GRIK1: variants seen among roughly 807,000 people sequenced by gnomAD.
GRIK1 encodes glutamate receptor ionotropic, kainate 1.
A neutral mutation model predicts 105.7 loss-of-function variants in GRIK1; 69 were observed. The observed-to-expected ratio is 0.65, with a 90% CI of 0.54 to 0.80. The LOEUF is 0.80. GRIK1 is among the 30% of genes least tolerant of loss of function. The pLI is 0.00. For synonymous variants in GRIK1, 438 were observed against 431.3 expected, an observed-to-expected ratio of 1.02 and a Z score of -0.19; for missense variants, 1,109 against 1,167.3, an observed-to-expected ratio of 0.95 and a Z score of 0.73.
At chr21:29,790,982 G>A (rs2066397760) in intron 1 of GRIK1, among the ~76,000 whole-genome samples, 1 of 152,242 alleles carries the variant, frequency 6.6e-6, no homozygotes, top group South Asian at 2.1e-4. Flanking sequence ...GGAAGGAGAG[G>A]GGGCCAACTT....
rs555373061 is a variant in GRIK1, at chr21:29,717,951, G to A, written c.119-23888C>T. On this transcript the variant is annotated intron_variant, in intron 1 of 17. Coordinates refer to ENST00000327783, the MANE Select transcript of GRIK1 (RefSeq NM_001330994.2). ...AGTGGGAGATAATTGAATCATGGGG[G>A]TGGTTACCCTATGCTGTTATCATGT... Among the ~76,000 whole-genome samples the A allele has an allele frequency of 1.2e-4, 19 of 152,226 alleles. No homozygotes were observed. In the East Asian group the frequency reaches 3.7e-3, roughly 29 times the overall value.
chr21:29,881,870 A>G (rs549848091), intron 1 of GRIK1, among the ~76,000 whole-genome samples: 7 of 152,282 alleles, frequency 4.6e-5, no homozygotes, highest in African/African-American at 1.7e-4. Flanking sequence ...TTTGTAAAAA[A>G]TAAAAGACAA....
Position 29,537,876 on chromosome 21 carries a change from C to T in GRIK1, c.2616G>A (p.Lys872=). Residue 872 remains lysine (K), a synonymous_variant, in exon 17 of 18, where the codon AAG becomes AAA. Transcript: ENST00000327783. The part of the protein sequence containing the change: ...RKNNDIEQKG[K]SSRIRFYFRN... ...TAAAATAAAATCTAATTCTTGATGACTTTCCTTTCTGATAAAAAAAAAAGA... is the reference window on the plus strand; with the variant it reads ...TAAAATAAAATCTAATTCTTGATGATTTTCCTTTCTGATAAAAAAAAAAGA... 1 of 1,256,034 alleles carries T rather than the reference C, an allele frequency of 8.0e-7. No homozygotes were observed. The highest frequency in any genetic ancestry group is 1.1e-6 in the Non-Finnish European group (1 of 874,706). The allele number at this position is 1,256,034 out of a possible 1,614,324, so 77.8% of individuals were successfully genotyped here. A position where few individuals can be genotyped will look rare whatever the true frequency, so the allele number is the denominator to read the frequency against.
chr21:29,937,230 C>T (rs936392518), intron 1 of GRIK1, among the ~76,000 whole-genome samples: 5 of 152,212 alleles, frequency 3.3e-5, no homozygotes, highest in Non-Finnish European at 7.3e-5. Flanking sequence ...CTGGTTTCCA[C>T]AGTGTGCTAA....
chr21:29,779,305 T>C (rs557144554), intron 1 of GRIK1, among the ~76,000 whole-genome samples: 6 of 151,940 alleles, frequency 3.9e-5, no homozygotes, highest in African/African-American at 4.8e-5. Context: ...TTCTTTGCCA[T>C]GAATAAAATA....
chr21:29,644,100 A>AAAT (rs1321729785), intron 6 of GRIK1, among the ~76,000 whole-genome samples: 1 of 152,134 alleles, frequency 6.6e-6, no homozygotes, highest in Non-Finnish European at 1.5e-5. Context: ...TGGTTTTCCA[A>AAAT]AATTGGTTGA....
At chr21:29,695,454 A>ATCTG (rs1474433957) in intron 1 of GRIK1, among the ~76,000 whole-genome samples, 4 of 143,290 alleles carry the variant, frequency 2.8e-5, no homozygotes, top group African/African-American at 1.0e-4. Flanking sequence ...CTATCTATCT[A>ATCTG]TCTATCTATC....
At position 29,577,207 on chromosome 21, in the gene GRIK1, G is replaced by A. The variant is rs771157279; in HGVS notation, c.1913-26C>T. 32 of 1,291,688 alleles carry A rather than the reference G, an allele frequency of 2.5e-5. 1 individual carries two copies. In the South Asian group the frequency reaches 2.8e-4, roughly 11 times the overall value. The allele number at this position is 1,291,688 out of a possible 1,614,324, so 80.0% of individuals were successfully genotyped here. A position where few individuals can be genotyped will look rare whatever the true frequency, so the allele number is the denominator to read the frequency against. On this transcript the variant is annotated intron_variant, in intron 13 of 17. Transcript: ENST00000327783. ...CTGTGATGGTATCATCAGAGTAAGG[G>A]TGTTAAACACAGTCAGAAGGAAAGG...
At chr21:29,845,556 T>C (rs2068090210) in intron 1 of GRIK1, among the ~76,000 whole-genome samples, 1 of 152,202 alleles carries the variant, frequency 6.6e-6, no homozygotes, top group African/African-American at 2.4e-5. Context: ...TTCTTATTTC[T>C]CATTTGCATG....
chr21:29,639,779 T>C (rs2062472495), intron 7 of GRIK1, among the ~76,000 whole-genome samples: 1 of 152,218 alleles, frequency 6.6e-6, no homozygotes, highest in Non-Finnish European at 1.5e-5. Context: ...TAATATTACT[T>C]ATGTAGTGGA....
intron 1 of GRIK1, among the ~76,000 whole-genome samples, chr21:29,901,577 C>A (rs1415803825): frequency 6.6e-6 from 1 of 152,112 alleles, no homozygotes; most frequent in Non-Finnish European, 1.5e-5. Flanking sequence ...CACATACACC[C>A]TCCCAAGACT....
At chr21:29,932,110 G>T (rs1167189155) in intron 1 of GRIK1, among the ~76,000 whole-genome samples, 1 of 152,146 alleles carries the variant, frequency 6.6e-6, no homozygotes, top group Non-Finnish European at 1.5e-5. Flanking sequence ...GCTGTTGTAT[G>T]ATTGCTTTAT....
intron 2 of GRIK1, among the ~76,000 whole-genome samples, chr21:29,692,875 G>A (rs548694873): frequency 3.3e-5 from 5 of 152,256 alleles, no homozygotes; most frequent in South Asian, 2.1e-4. Flanking sequence ...GCCCTGCTAT[G>A]TTGTTAATTT....
intron 1 of GRIK1, among the ~76,000 whole-genome samples, chr21:29,763,016 C>A (rs1344840433): frequency 6.6e-6 from 1 of 152,186 alleles, no homozygotes; most frequent in Non-Finnish European, 1.5e-5. Flanking sequence ...GCCAGCTTTT[C>A]TCCTCCAAAG....
At chr21:29,719,917 A>G (rs1272096009) in intron 1 of GRIK1, among the ~76,000 whole-genome samples, 4 of 152,220 alleles carry the variant, frequency 2.6e-5, no homozygotes, top group Non-Finnish European at 5.9e-5. Context: ...TTCACAGACT[A>G]TAGCATATTT....
intron 10 of GRIK1, among the ~76,000 whole-genome samples, chr21:29,589,578 C>G (rs933244129): frequency 7.0e-6 from 1 of 141,956 alleles, no homozygotes; most frequent in Non-Finnish European, 1.5e-5. Flanking sequence ...CCTGCCACCA[C>G]GCCTGACTAT....
At chr21:29,774,922 C>T (rs776112703) in intron 1 of GRIK1, among the ~76,000 whole-genome samples, 15 of 152,140 alleles carry the variant, frequency 9.9e-5, no homozygotes, top group Non-Finnish European at 1.9e-4. Context: ...CAAGGGGATC[C>T]ACATTTTCAC....
intron 1 of GRIK1, among the ~76,000 whole-genome samples, chr21:29,736,853 T>G (rs982265456): frequency 5.3e-5 from 8 of 151,686 alleles, no homozygotes; most frequent in African/African-American, 1.7e-4. Context: ...GATTTTTGTA[T>G]TTTTTAGTAG....
intron 16 of GRIK1, among the ~76,000 whole-genome samples, chr21:29,543,432 T>C (rs1382566674): frequency 1.3e-5 from 2 of 152,188 alleles, no homozygotes; most frequent in African/African-American, 4.8e-5. Flanking sequence ...TCACTAATTA[T>C]GTGAAGGCAG....
Sources: gnomAD v4.1 joint callset for allele counts (sites outside exome capture counted in the v4.1 genomes callset) on GRCh38, gnomAD v4.1.1 for gene constraint, MANE v1.5 for transcripts, NCBI Gene and HGNC (gene_info 2026-07-23, HGNC 2026-07-21) for gene names.